CD99: variants seen among roughly 807,000 people sequenced by gnomAD.
CD99 encodes CD99 antigen.
In CD99, 19 loss-of-function variants were observed where a neutral mutation model predicts 28.4. The ratio of observed to expected loss-of-function variants is 0.67; its 90% CI spans 0.47 to 0.98. CD99 has a LOEUF of 0.98. Among genes scored for constraint, CD99 ranks in the 50% least tolerant of loss-of-function variants. The pLI, the probability that CD99 is intolerant of heterozygous loss-of-function variation, is 0.00. For missense variants in CD99, 283 were observed against 248.8 expected (o/e 1.14, Z -0.92); for synonymous variants, 103 against 92.1 (o/e 1.12, Z -0.67).
At chrX:2,725,978 C>T (rs934336490) in intron 7 of CD99, among the ~76,000 whole-genome samples, 3 of 152,274 alleles carry the variant, frequency 2.0e-5, no homozygotes, top group South Asian at 4.1e-4. Context: ...AGCTTCTGCC[C>T]GTACCTCGCT....
At chrX:2,719,769 T>C in intron 4 of CD99, 64 bp downstream of exon 4, 2 of 1,495,344 alleles carry the variant, frequency 1.3e-6, no homozygotes, top group East Asian at 2.3e-5. Flanking sequence ...TTATGATCAT[T>C]TCAGAGAGAA....
At chrX:2,691,525 C>A in intron 1 of CD99, 98 bp downstream of exon 1, 1 of 1,325,678 alleles carries the variant, frequency 7.5e-7, no homozygotes, top group Non-Finnish European at 1.0e-6. Flanking sequence ...CCCGCGGGGA[C>A]ACCCGGAGCC....
In CD99 at chrX:2,713,009, C is replaced by T. The variant is rs181472365; in HGVS notation, c.68-1413C>T. 8.1e-3 allele frequency among the ~76,000 whole-genome samples: 1,228 copies of T among 151,940 alleles called. 70 individuals are homozygous for T. In the East Asian group the frequency reaches 0.16, roughly 19 times the overall value. ...AAACCCACAAATGCACACACCCACA[C>T]AGGCACAAACACACAAATGCACACA... On this transcript the variant is annotated intron_variant, in intron 1 of 9. Coordinates refer to ENST00000381192, the MANE Select transcript of CD99 (RefSeq NM_002414.5).
chrX:2,714,508 T>C, intron 2 of CD99, 54 bp downstream of exon 2: 2 of 1,402,986 alleles, frequency 1.4e-6, no homozygotes, highest in Non-Finnish European at 1.0e-6. Flanking sequence ...GTTAACATAG[T>C]ATATACAGGC....
intron 8 of CD99, chrX:2,733,303 A>G: frequency 1.3e-6 from 2 of 1,544,058 alleles, no homozygotes; most frequent in South Asian, 2.4e-5. Context: ...CAGACCCAGC[A>G]CCAGTTTACT....
At chrX:2,722,002 CA>C (rs1196288226) in intron 5 of CD99, among the ~76,000 whole-genome samples, 3 of 151,730 alleles carry the variant, frequency 2.0e-5, no homozygotes, top group Admixed American at 6.6e-5. Context: ...ATTTTGATGC[CA>C]GGGGTGTGTG....
rs766408221 is a variant in CD99, at chrX:2,719,694, A to G, written c.182A>G (p.Asp61Gly). 3.7e-6 allele frequency: 6 copies of G among 1,613,826 alleles called. No individual in the cohort carries two copies. In the South Asian group the frequency reaches 5.5e-5, roughly 15 times the overall value. Residue 61 changes from aspartate (D) to glycine (G), a missense_variant, in exon 4 of 10, where the codon GAT becomes GGT. Transcript: ENST00000381192. The part of the protein sequence containing the change: ...DDFDLGDAVV[D>G]GENDDPRPPN... ...TTTGACTTAGGAGATGCTGTTGTTG[A>G]TGGAGAAAATGGTGAGTATTTTCCT...
chrX:2,739,040 G>C (rs1482012894), intron 9 of CD99, among the ~76,000 whole-genome samples: 1 of 150,306 alleles, frequency 6.7e-6, no homozygotes, highest in Non-Finnish European at 1.5e-5. Context: ...TTTTTATTTT[G>C]TAGAGACAAG....
chrX:2,700,582 A>G (rs1195845868), intron 1 of CD99, among the ~76,000 whole-genome samples: 1 of 150,966 alleles, frequency 6.6e-6, no homozygotes, highest in Non-Finnish European at 1.5e-5. Flanking sequence ...CCATCCATCC[A>G]TCCGTCGTCC....
chrX:2,692,594 A>G (rs181569478), intron 1 of CD99, among the ~76,000 whole-genome samples: 5 of 152,316 alleles, frequency 3.3e-5, no homozygotes, highest in Non-Finnish European at 2.9e-5. Context: ...CCGTAGAGGA[A>G]AACTTGGAGG....
At chrX:2,712,998 A>G (rs1329848066) in intron 1 of CD99, among the ~76,000 whole-genome samples, 1 of 151,932 alleles carries the variant, frequency 6.6e-6, no homozygotes, top group East Asian at 1.9e-4. Flanking sequence ...CCACAAATGC[A>G]CACACCCACA....
chrX:2,727,844 C>CTA (rs2049375362), intron 8 of CD99, among the ~76,000 whole-genome samples: 1 of 152,162 alleles, frequency 6.6e-6, no homozygotes, highest in Admixed American at 6.5e-5. Context: ...ACTTCTCACC[C>CTA]TACTTAGATC....
At chrX:2,710,667 G>C (rs978297994) in intron 1 of CD99, among the ~76,000 whole-genome samples, 16 of 151,842 alleles carry the variant, frequency 1.1e-4, no homozygotes, top group African/African-American at 3.6e-4. Flanking sequence ...GGGTGGAGGG[G>C]GTGGGGACTT....
chrX:2,697,307 A>G lies in CD99; in HGVS notation c.67+5880A>G, dbSNP rs187873206. On this transcript the variant is annotated intron_variant, in intron 1 of 9. Transcript: ENST00000381192. Reference sequence around the variant, plus strand: ...GGTGGGTCCCCTGTTTTTGAGAATCACCTGAAAGAGTCTGATTTTCTGCAT... The same window carrying G: ...GGTGGGTCCCCTGTTTTTGAGAATCGCCTGAAAGAGTCTGATTTTCTGCAT... 4.9e-3 allele frequency among the ~76,000 whole-genome samples: 741 copies of G among 152,206 alleles called. 3 individuals are homozygous for G. Among genetic ancestry groups the G allele is most frequent in the African/African-American group, 0.016 (674 of 41,506 alleles).
chrX:2,694,547 G>C (rs2047485209), intron 1 of CD99, among the ~76,000 whole-genome samples: 1 of 152,042 alleles, frequency 6.6e-6, no homozygotes, highest in Admixed American at 6.6e-5. Context: ...GAGGCCAAGA[G>C]TTCGAGACCA....
At chrX:2,697,148 C>G (rs749297960) in intron 1 of CD99, among the ~76,000 whole-genome samples, 2 of 152,204 alleles carry the variant, frequency 1.3e-5, no homozygotes, top group Non-Finnish European at 2.9e-5. Context: ...GTTCCGCTCC[C>G]TCTGTCCCGG....
chrX:2,713,470 C>T (rs2048540167), intron 1 of CD99, among the ~76,000 whole-genome samples: 1 of 152,150 alleles, frequency 6.6e-6, no homozygotes, highest in Admixed American at 6.5e-5. Flanking sequence ...CACCTACACA[C>T]CCCATACATG....
chrX:2,699,775 G>C (rs2047759400), intron 1 of CD99, among the ~76,000 whole-genome samples: 2 of 152,130 alleles, frequency 1.3e-5, no homozygotes, highest in African/African-American at 4.8e-5. Context: ...TTTTTAAAAA[G>C]CCCCTCGGAG....
chrX:2,725,248 A>C (rs770803025), intron 7 of CD99, among the ~76,000 whole-genome samples: 16 of 152,020 alleles, frequency 1.1e-4, no homozygotes, highest in Non-Finnish European at 1.6e-4. Context: ...AACCACAGTA[A>C]TTAACCAGGC....
Sources: gnomAD v4.1 joint callset for allele counts (sites outside exome capture counted in the v4.1 genomes callset) on GRCh38, gnomAD v4.1.1 for gene constraint, MANE v1.5 for transcripts, NCBI Gene and HGNC (gene_info 2026-07-23, HGNC 2026-07-21) for gene names.